TMEM232: variants seen among roughly 807,000 people sequenced by gnomAD.
The protein encoded by TMEM232 is transmembrane protein 232.
TMEM232 carries 80 observed loss-of-function variants against 78.8 expected under a neutral mutation model. The observed-to-expected ratio is 1.01, with a 90% CI of 0.85 to 1.22. TMEM232 has a LOEUF of 1.22. TMEM232 is among the 50% of genes most tolerant of loss of function. The pLI is 0.00. For missense variants in TMEM232, 881 were observed against 742.2 expected, an observed-to-expected ratio of 1.19 and a Z score of -2.17; for synonymous variants, 297 against 254.3, an observed-to-expected ratio of 1.17 and a Z score of -1.60.
chr5:110,645,219 A>C (rs1294589717), intron 2 of TMEM232, among the ~76,000 whole-genome samples: 1 of 151,726 alleles, frequency 6.6e-6, no homozygotes, highest in African/African-American at 2.4e-5. Flanking sequence ...TTCCAAACTC[A>C]TTTTATGAGG....
At chr5:110,432,543 C>G (rs1757973515) in intron 12 of TMEM232, among the ~76,000 whole-genome samples, 1 of 151,652 alleles carries the variant, frequency 6.6e-6, no homozygotes, top group African/African-American at 2.4e-5. Context: ...AGCACACAAC[C>G]CACGGTCCCT....
At chr5:110,467,965 T>G (rs1762264350) in intron 12 of TMEM232, among the ~76,000 whole-genome samples, 1 of 151,638 alleles carries the variant, frequency 6.6e-6, no homozygotes, top group South Asian at 2.1e-4. Context: ...TTACATGACA[T>G]TCTTCCTGTG....
At chr5:110,505,641 G>C (rs1766795255) in intron 12 of TMEM232, among the ~76,000 whole-genome samples, 1 of 152,056 alleles carries the variant, frequency 6.6e-6, no homozygotes, top group African/African-American at 2.4e-5. Flanking sequence ...CGAGCAGCTG[G>C]AACTACAGAA....
chr5:110,655,575 T>C (rs1478268421), intron 2 of TMEM232, among the ~76,000 whole-genome samples: 2 of 146,204 alleles, frequency 1.4e-5, no homozygotes, highest in Non-Finnish European at 3.0e-5. Context: ...CAAAGGACCA[T>C]AAATCATGCT....
chr5:110,508,849 T>A (rs1414262793), intron 12 of TMEM232, among the ~76,000 whole-genome samples: 1 of 144,668 alleles, frequency 6.9e-6, no homozygotes, highest in Non-Finnish European at 1.5e-5. Context: ...TATATATATA[T>A]AATTATATAT....
intron 1 of TMEM232, among the ~76,000 whole-genome samples, chr5:110,703,423 C>A (rs1188311966): frequency 6.6e-6 from 1 of 152,092 alleles, no homozygotes. Context: ...GAAACCCTTA[C>A]TAGCATAGCT....
At chr5:110,391,150 T>C (rs1354687578) in intron 3 of TMEM232, among the ~76,000 whole-genome samples, 2 of 152,298 alleles carry the variant, frequency 1.3e-5, no homozygotes, top group East Asian at 3.9e-4. Context: ...GGATGGCCTT[T>C]TTGCTGCATA....
chr5:110,706,983 A>C (rs1795989602), intron 1 of TMEM232, among the ~76,000 whole-genome samples: 2 of 152,192 alleles, frequency 1.3e-5, no homozygotes, highest in Admixed American at 1.3e-4. Context: ...CAAATCTCTA[A>C]ATTATTTTAT....
At chr5:110,545,323 T>C (rs1222942259) in intron 11 of TMEM232, among the ~76,000 whole-genome samples, 1 of 152,044 alleles carries the variant, frequency 6.6e-6, no homozygotes, top group African/African-American at 2.4e-5. Context: ...GGGGCTCAAA[T>C]GGGTTAATAT....
intron 12 of TMEM232, among the ~76,000 whole-genome samples, chr5:110,455,136 G>T (rs1179210120): frequency 6.6e-6 from 1 of 152,078 alleles, no homozygotes; most frequent in Non-Finnish European, 1.5e-5. Flanking sequence ...TTTGATATAT[G>T]TTAAAGGAAC....
chr5:110,558,034 T>G (rs1281583824), intron 11 of TMEM232, among the ~76,000 whole-genome samples: 1 of 152,190 alleles, frequency 6.6e-6, no homozygotes, highest in Non-Finnish European at 1.5e-5. Flanking sequence ...TAACTGGTTT[T>G]GTTTCTGAAT....
At chr5:110,707,779 G>C (rs1012364178) in intron 1 of TMEM232, among the ~76,000 whole-genome samples, 19 of 152,214 alleles carry the variant, frequency 1.2e-4, no homozygotes, top group African/African-American at 4.1e-4. Context: ...GAACAGGAGA[G>C]TGAAGAGTAA....
At chr5:110,450,355 CTGTT>C (rs72107067) in intron 12 of TMEM232, among the ~76,000 whole-genome samples, 14,029 of 152,022 alleles carry the variant, frequency 0.092, 791 homozygotes, top group South Asian at 0.17. Context: ...CAGATTTTGC[CTGTT>C]TGTTTGTTTT....
chr5:110,688,554 A>T (rs1396767261), intron 1 of TMEM232, among the ~76,000 whole-genome samples: 1 of 152,184 alleles, frequency 6.6e-6, no homozygotes, highest in African/African-American at 2.4e-5. Context: ...CCCACAGCTT[A>T]GTAGAGGCAT....
At chr5:110,496,874 C>A (rs1765703836) in intron 12 of TMEM232, among the ~76,000 whole-genome samples, 1 of 151,838 alleles carries the variant, frequency 6.6e-6, no homozygotes, top group Non-Finnish European at 1.5e-5. Context: ...AGAGAGAACA[C>A]AGAGGAAGAA....
At position 110,422,810 on chromosome 5, in the gene TMEM232, T is replaced by C. The variant is rs537211324; in HGVS notation, c.1797+2013A>G. Among the ~76,000 whole-genome samples the C allele has an allele frequency of 4.2e-3, 639 of 152,256 alleles. 2 individuals are homozygous for C. Among genetic ancestry groups the C allele is most frequent in the African/African-American group, 0.015 (616 of 41,548 alleles). On this transcript the variant is annotated intron_variant, in intron 13 of 13. Transcript: ENST00000455884. Reference sequence around the variant, plus strand: ...ACTTTCTTTTTGTCTCTGGTGACCATGACAACAGATCAATTTGGGTAAATA... The same window carrying C: ...ACTTTCTTTTTGTCTCTGGTGACCACGACAACAGATCAATTTGGGTAAATA...
chr5:110,394,554 G>A (rs957654995), intron 3 of TMEM232, among the ~76,000 whole-genome samples: 1 of 152,102 alleles, frequency 6.6e-6, no homozygotes, highest in East Asian at 1.9e-4. Context: ...CCCATCAACA[G>A]CTTTTGTAGA....
chr5:110,490,272 C>T (rs1158274157), intron 12 of TMEM232, among the ~76,000 whole-genome samples: 1 of 151,958 alleles, frequency 6.6e-6, no homozygotes, highest in Non-Finnish European at 1.5e-5. Context: ...TTCAATTTGC[C>T]ATAGTATCAA....
chr5:110,458,082 A>G (rs1351234544), intron 12 of TMEM232, among the ~76,000 whole-genome samples: 6 of 152,136 alleles, frequency 3.9e-5, no homozygotes, highest in African/African-American at 1.4e-4. Flanking sequence ...TAATCTTTCA[A>G]CTGTTAATTT....
Sources: gnomAD v4.1 joint callset for allele counts (sites outside exome capture counted in the v4.1 genomes callset) on GRCh38, gnomAD v4.1.1 for gene constraint, MANE v1.5 for transcripts, NCBI Gene and HGNC (gene_info 2026-07-23, HGNC 2026-07-21) for gene names.